The following HTR2C variants were observed in gnomAD, a reference collection of about 807,000 sequenced individuals.
HTR2C encodes the protein 5-hydroxytryptamine (serotonin) receptor 2C, G protein-coupled.
Under a neutral mutation model 21.0 loss-of-function variants are expected in HTR2C, and 5 were observed. That is an observed-to-expected ratio of 0.24 (90% CI 0.12 to 0.50). HTR2C has a LOEUF of 0.50. Among genes scored for constraint, HTR2C ranks in the 20% least tolerant of loss-of-function variants. The pLI is 0.98. For synonymous variants in HTR2C, 150 were observed against 145.3 expected, an observed-to-expected ratio of 1.03 and a Z score of -0.23; for missense variants, 271 against 371.2, an observed-to-expected ratio of 0.73 and a Z score of 2.22.
At chrX:114,784,732 A>G (rs184229312) in intron 4 of HTR2C, among the ~76,000 whole-genome samples, 1,758 of 106,161 alleles carry the variant, frequency 0.017, 38 homozygotes, top group African/African-American at 0.057. Flanking sequence ...CCATTCTCCT[A>G]CCTCAGCCTC....
chrX:114,806,623 T>C (rs1261700651), intron 4 of HTR2C, among the ~76,000 whole-genome samples: 2 of 98,208 alleles, frequency 2.0e-5, no homozygotes, highest in Admixed American at 2.4e-4. Context: ...ATACACCATA[T>C]ATATACCATA....
intron 4 of HTR2C, among the ~76,000 whole-genome samples, chrX:114,780,488 T>C (rs1321589519): frequency 9.0e-6 from 1 of 111,400 alleles, no homozygotes; most frequent in African/African-American, 3.3e-5. Flanking sequence ...GCTGACACCC[T>C]AAAGAGCTAT....
intron 2 of HTR2C, among the ~76,000 whole-genome samples, chrX:114,639,712 C>A (rs1167236705): frequency 3.6e-5 from 4 of 111,896 alleles, no homozygotes; most frequent in Non-Finnish European, 7.5e-5. Flanking sequence ...AATGTTTAAG[C>A]CATGTGTTGT....
rs1389282335 is a variant in HTR2C, at chrX:114,602,604, T to A, written c.-146-11211T>A. Among the ~76,000 whole-genome samples, 2 of 81,604 alleles carry A rather than the reference T, an allele frequency of 2.5e-5. 1 individual carries two copies. The highest frequency in any genetic ancestry group is 9.4e-5 in the African/African-American group (2 of 21,338). 70.9% of individuals were successfully genotyped at this position (81,604 alleles called of 115,157 possible). A position where few individuals can be genotyped will look rare whatever the true frequency, so the allele number is the denominator to read the frequency against. The stretch of plus-strand genomic sequence containing the variant: ...GAGCCCGAAAAACTGCTTGGCTGAT[T>A]TGACTAATAAAACTCATCTGTTATC... On this transcript the variant is annotated intron_variant, in intron 1 of 5. Transcript: ENST00000276198.
chrX:114,784,854 C>T (rs2070159154), intron 4 of HTR2C, among the ~76,000 whole-genome samples: 1 of 110,543 alleles, frequency 9.0e-6, no homozygotes, highest in Non-Finnish European at 1.9e-5. Flanking sequence ...CTCCTGAACT[C>T]GTGATCCGCC....
intron 2 of HTR2C, among the ~76,000 whole-genome samples, chrX:114,646,284 G>C (rs1266611007): frequency 1.8e-5 from 2 of 111,372 alleles, no homozygotes; most frequent in South Asian, 3.7e-4. Flanking sequence ...TATTTTTAGT[G>C]CATACCACAG....
chrX:114,761,808 T>A (rs2069869444), intron 4 of HTR2C, among the ~76,000 whole-genome samples: 1 of 104,870 alleles, frequency 9.5e-6, no homozygotes, highest in Admixed American at 1.1e-4. Flanking sequence ...AATAACTACA[T>A]TAAAACATAG....
At chrX:114,704,193 T>A (rs1932678739) in intron 2 of HTR2C, among the ~76,000 whole-genome samples, 1 of 111,666 alleles carries the variant, frequency 9.0e-6, no homozygotes, top group African/African-American at 3.3e-5. Flanking sequence ...GAGGGAATCC[T>A]CCCAAACTCA....
At chrX:114,683,198 G>A (rs1931801970) in intron 2 of HTR2C, among the ~76,000 whole-genome samples, 1 of 111,291 alleles carries the variant, frequency 9.0e-6, no homozygotes, top group Non-Finnish European at 1.9e-5. Context: ...ATAAATGATT[G>A]CTCTTTGAGG....
chrX:114,824,916 C>CA (rs1556457786), intron 4 of HTR2C, among the ~76,000 whole-genome samples: 4 of 111,840 alleles, frequency 3.6e-5, no homozygotes, highest in Non-Finnish European at 7.5e-5. Flanking sequence ...AATGTATGAG[C>CA]ATACTGTTAT....
In HTR2C at chrX:114,740,166, T is replaced by C. The variant is rs143321451; in HGVS notation, c.349+8559T>C. 3.9e-3 allele frequency among the ~76,000 whole-genome samples: 425 copies of C among 109,021 alleles called. 4 individuals are homozygous for C. In the East Asian group the frequency reaches 0.058, roughly 15 times the overall value. The allele number at this position is 109,021 out of a possible 115,157, so 94.7% of individuals were successfully genotyped here. A position where few individuals can be genotyped will look rare whatever the true frequency, so the allele number is the denominator to read the frequency against. On this transcript the variant is annotated intron_variant, in intron 4 of 5. Coordinates refer to ENST00000276198, the MANE Select transcript of HTR2C (RefSeq NM_000868.4). ...TAAACATGTGTGAATATTTGAATTA[T>C]ATATATACACATTTATATATATATA... is the stretch of plus-strand genomic sequence containing the variant.
chrX:114,775,298 A>T, intron 4 of HTR2C: 1 of 528,541 alleles, frequency 1.9e-6, no homozygotes, highest in Non-Finnish European at 3.5e-6. Context: ...TCTTGTCCAC[A>T]GCAGAGACAT....
intron 1 of HTR2C, among the ~76,000 whole-genome samples, chrX:114,590,821 G>T (rs888818239): frequency 1.8e-5 from 2 of 111,644 alleles, no homozygotes; most frequent in African/African-American, 6.5e-5. Context: ...ATACATATAT[G>T]AGAGAGAGAC....
At chrX:114,738,645 A>C (rs2069614264) in intron 4 of HTR2C, among the ~76,000 whole-genome samples, 1 of 110,381 alleles carries the variant, frequency 9.1e-6, no homozygotes, top group Non-Finnish European at 1.9e-5. Flanking sequence ...TGGGGCATAG[A>C]GGGGGCAATG....
chrX:114,809,395 T>TG (rs2070510234), intron 4 of HTR2C, among the ~76,000 whole-genome samples: 2 of 106,463 alleles, frequency 1.9e-5, no homozygotes, highest in South Asian at 8.5e-4. Context: ...TTTTGTTGTT[T>TG]TTTTTTTGAC....
chrX:114,857,827 G>A (rs782259067), intron 5 of HTR2C, among the ~76,000 whole-genome samples: 64 of 110,802 alleles, frequency 5.8e-4, no homozygotes, highest in African/African-American at 1.9e-3. Flanking sequence ...CCTTTCTTAA[G>A]TGTTTGATCA....
chrX:114,828,699 A>T (rs993782820), intron 4 of HTR2C, among the ~76,000 whole-genome samples: 2 of 111,871 alleles, frequency 1.8e-5, no homozygotes, highest in South Asian at 7.4e-4. Context: ...ACTTCCAAAA[A>T]AATTCCATAT....
At chrX:114,747,739 A>T (rs868988459) in intron 4 of HTR2C, among the ~76,000 whole-genome samples, 1 of 112,570 alleles carries the variant, frequency 8.9e-6, no homozygotes, top group African/African-American at 3.2e-5. Context: ...AAACTGTCCT[A>T]TAGAGAGGCC....
rs78104808 is a variant in HTR2C at position 114,745,681 on chromosome X, T to G, written c.349+14074T>G. 7.7e-3 allele frequency among the ~76,000 whole-genome samples: 857 copies of G among 111,929 alleles called. 14 individuals are homozygous for G. Among genetic ancestry groups the G allele is most frequent in the African/African-American group, 0.026 (805 of 30,852 alleles). On this transcript the variant is annotated intron_variant, in intron 4 of 5. Transcript: ENST00000276198. Reference sequence around the variant, plus strand: ...ATGAATGGAACTGGGGGTCATTATGTTAAGTGAAATAATCCAGACACAGGA... The same window carrying G: ...ATGAATGGAACTGGGGGTCATTATGGTAAGTGAAATAATCCAGACACAGGA...
Sources: allele counts gnomAD v4.1 joint callset (sites outside exome capture counted in the v4.1 genomes callset), GRCh38; gene constraint gnomAD v4.1.1; transcripts MANE v1.5; gene names NCBI Gene and HGNC (gene_info 2026-07-23, HGNC 2026-07-21).